Variants in UNC13B observed in about 807,000 individuals in gnomAD.
UNC13B encodes the protein unc-13 homolog B.
In UNC13B, 144 loss-of-function variants were observed where a neutral mutation model predicts 211.0. The observed-to-expected ratio is 0.68, with a 90% CI of 0.60 to 0.78. The LOEUF is 0.78. Ranked by LOEUF, UNC13B falls within the 30% of genes least tolerant of loss-of-function variation. The pLI is 0.00. For missense variants in UNC13B, 1,777 were observed against 2,002.0 expected, an observed-to-expected ratio of 0.89 and a Z score of 2.14; for synonymous variants, 709 against 725.8, an observed-to-expected ratio of 0.98 and a Z score of 0.37.
At position 35,259,164 on chromosome 9, in the gene UNC13B, A is replaced by G. The variant is rs187811183; in HGVS notation, c.526+114A>G. 1.6e-3 allele frequency: 1,735 copies of G among 1,080,892 alleles called. 6 individuals are homozygous for G. The highest frequency in any genetic ancestry group is 2.0e-3 in the Non-Finnish European group (1,475 of 728,456). 67.0% of individuals were successfully genotyped at this position (1,080,892 alleles called of 1,614,324 possible). A position where few individuals can be genotyped will look rare whatever the true frequency, so the allele number is the denominator to read the frequency against. On this transcript the variant is annotated intron_variant, in intron 7 of 39. Coordinates refer to ENST00000635942, the MANE Select transcript of UNC13B (RefSeq NM_001371189.2). ...GAGATGTCATGTGTGTAAGCAGAAG[A>G]TATTCCTGAAGCACATCTGTTCAGG...
At chr9:35,389,480 G>C (rs1835388288) in intron 24 of UNC13B, among the ~76,000 whole-genome samples, 1 of 152,204 alleles carries the variant, frequency 6.6e-6, no homozygotes, top group Admixed American at 6.5e-5. Context: ...CTGCCTGCCT[G>C]TAGGGGCCGC....
intron 7 of UNC13B, among the ~76,000 whole-genome samples, chr9:35,270,940 A>T (rs1022078365): frequency 1.3e-5 from 2 of 152,126 alleles, no homozygotes; most frequent in Admixed American, 6.5e-5. Flanking sequence ...GGAGATCGAG[A>T]CCATCCTGGC....
intron 11 of UNC13B, among the ~76,000 whole-genome samples, chr9:35,337,557 A>G (rs977162172): frequency 2.6e-5 from 4 of 152,188 alleles, no homozygotes; most frequent in Admixed American, 6.5e-5. Flanking sequence ...TCTTACTGTC[A>G]GAGATCCCCA....
Position 35,304,679 on chromosome 9 carries a change from G to T in UNC13B, c.5275G>T (p.Gly1759Cys), listed in dbSNP as rs1587580512. The T allele has an allele frequency of 2.5e-6, 1 of 398,726 alleles. No homozygotes were observed. The highest frequency in any genetic ancestry group is 4.4e-6 in the Non-Finnish European group (1 of 225,910). The allele number at this position is 398,726 out of a possible 1,614,324, so 24.7% of individuals were successfully genotyped here. ...AGTGGCTTCAGTATTTTCTGTTTTG[G>T]GTGCCTCAGTTGGTAGTACTTTGAA... ...NKVASVFSVL[G>C]ASVGSTLKFD... Residue 1759 changes from glycine to cysteine, a missense_variant, in exon 9 of 40, where the codon GGT (glycine) becomes TGT (cysteine). By Grantham distance (159) the Gly-to-Cys change is radical. Coordinates refer to ENST00000635942, the MANE Select transcript of UNC13B (RefSeq NM_001371189.2).
chr9:35,182,569 A>T (rs1821999345), intron 1 of UNC13B, among the ~76,000 whole-genome samples: 1 of 152,108 alleles, frequency 6.6e-6, no homozygotes, highest in South Asian at 2.1e-4. Flanking sequence ...AGGTCAGCAG[A>T]TAAACACGTG....
chr9:35,179,770 TG>T (rs1286410890), intron 1 of UNC13B, among the ~76,000 whole-genome samples: 5 of 152,184 alleles, frequency 3.3e-5, no homozygotes, highest in Non-Finnish European at 7.3e-5. Flanking sequence ...TAGCCCAGCC[TG>T]GGTGACAGAG....
chr9:35,275,711 A>G lies in UNC13B; in HGVS notation c.526+16661A>G, dbSNP rs868688305. 1.7e-4 allele frequency among the ~76,000 whole-genome samples: 26 copies of G among 151,846 alleles called. No individual in the cohort carries two copies. In the Middle Eastern group the frequency reaches 0.014, roughly 80 times the overall value. ...GGGTTTAAGTGATTCCCCTTCCTCA[A>G]CCTCCTGAGTAGCTGGGATTACAGG... is the stretch of plus-strand genomic sequence containing the variant. On this transcript the variant is annotated intron_variant, in intron 7 of 39. Coordinates refer to ENST00000635942, the MANE Select transcript of UNC13B (RefSeq NM_001371189.2).
intron 11 of UNC13B, among the ~76,000 whole-genome samples, chr9:35,344,494 A>C (rs777559504): frequency 5.9e-5 from 9 of 152,202 alleles, no homozygotes; most frequent in Non-Finnish European, 1.3e-4. Flanking sequence ...TTTCCATGAC[A>C]ATGAATTCTC....
At chr9:35,215,552 T>TCTAAGGTTGGTG (rs1168685426) in intron 1 of UNC13B, among the ~76,000 whole-genome samples, 3 of 152,192 alleles carry the variant, frequency 2.0e-5, no homozygotes, top group Non-Finnish European at 4.4e-5. Flanking sequence ...GTTAAAGTAG[T>TCTAAGGTTGGTG]CTAAGGTTGT....
At chr9:35,382,299 T>A in intron 20 of UNC13B, 58 bp from the exon 21 acceptor site, 1 of 1,558,034 alleles carries the variant, frequency 6.4e-7, no homozygotes, top group South Asian at 1.2e-5. Context: ...GAGTTCCTGC[T>A]TGGCTTTTGC....
At chr9:35,196,402 G>C (rs919179662) in intron 1 of UNC13B, among the ~76,000 whole-genome samples, 1 of 152,192 alleles carries the variant, frequency 6.6e-6, no homozygotes, top group Non-Finnish European at 1.5e-5. Context: ...AGTGTGAATA[G>C]GATTATTTCC....
intron 11 of UNC13B, chr9:35,351,896 T>C: frequency 3.2e-6 from 4 of 1,232,246 alleles, no homozygotes; most frequent in Non-Finnish European, 4.0e-6. Context: ...GACCCTTTTG[T>C]CCAGAGGCCA....
chr9:35,363,196 A>G (rs1354465468), intron 11 of UNC13B, among the ~76,000 whole-genome samples: 1 of 152,318 alleles, frequency 6.6e-6, no homozygotes, highest in South Asian at 2.1e-4. Context: ...GAGAGCCGTG[A>G]CGGCTCTGTC....
In UNC13B at chr9:35,304,761, C is replaced by G. The variant is rs1829848739; in HGVS notation, c.5357C>G (p.Ser1786Ter). 2 of 398,696 alleles carry G rather than the reference C, an allele frequency of 5.0e-6. No homozygotes were observed. Among genetic ancestry groups the G allele is most frequent in the African/African-American group, 4.1e-5 (2 of 48,604 alleles). 24.7% of individuals were successfully genotyped at this position (398,696 alleles called of 1,614,324 possible). A position where few individuals can be genotyped will look rare whatever the true frequency, so the allele number is the denominator to read the frequency against. Residue 1786 changes from serine (S) to a stop codon, truncating the protein, a stop_gained, in exon 9 of 40, where the codon TCA (serine) becomes TGA (stop). Coordinates refer to ENST00000635942, the MANE Select transcript of UNC13B (RefSeq NM_001371189.2). LOFTEE classifies it high-confidence loss of function. ...GCCATGCAGAAAGTGAATCAGCAGT[C>G]AGATTTAGCAGAGCTCACAAATGAT... ...ALAMQKVNQQSDLAELTNDGF... is the reference protein window; with the variant it reads ...ALAMQKVNQQ
At chr9:35,368,989 G>A (rs1043266459) in intron 12 of UNC13B, among the ~76,000 whole-genome samples, 2 of 152,292 alleles carry the variant, frequency 1.3e-5, no homozygotes, top group South Asian at 2.1e-4. Context: ...CTATGTAGTA[G>A]TTTTCTAAAT....
chr9:35,389,251 C>T (rs1835373203), intron 24 of UNC13B, among the ~76,000 whole-genome samples: 1 of 152,062 alleles, frequency 6.6e-6, no homozygotes, highest in Admixed American at 6.6e-5. Context: ...CAAGTAAGGC[C>T]CTATCTTATC....
chr9:35,190,286 T>A, intron 1 of UNC13B, among the ~76,000 whole-genome samples: 1 of 152,186 alleles, frequency 6.6e-6, no homozygotes. Context: ...CCATATCTTA[T>A]AGGTGGCCAA....
intron 7 of UNC13B, among the ~76,000 whole-genome samples, chr9:35,284,045 A>G (rs1378284628): frequency 6.6e-6 from 1 of 152,178 alleles, no homozygotes; most frequent in Non-Finnish European, 1.5e-5. Flanking sequence ...GGATCACTTG[A>G]GGTCAGGAGT....
At chr9:35,264,822 A>C (rs1317884792) in intron 7 of UNC13B, among the ~76,000 whole-genome samples, 1 of 152,202 alleles carries the variant, frequency 6.6e-6, no homozygotes, top group Non-Finnish European at 1.5e-5. Flanking sequence ...TCACCTTGGT[A>C]GGCTTTGGAC....
Sources: allele counts gnomAD v4.1 joint callset (sites outside exome capture counted in the v4.1 genomes callset), GRCh38; gene constraint gnomAD v4.1.1; transcripts MANE v1.5; gene names NCBI Gene and HGNC (gene_info 2026-07-23, HGNC 2026-07-21).